CARM1: variants seen among roughly 807,000 people sequenced by gnomAD.
CARM1 encodes histone-arginine methyltransferase CARM1.
A neutral mutation model predicts 72.7 loss-of-function variants in CARM1; 14 were observed. The observed-to-expected ratio is 0.19, with a 90% CI of 0.13 to 0.30. The LOEUF is 0.30. Among genes scored for constraint, CARM1 ranks in the 10% least tolerant of loss-of-function variants. The pLI, the probability that CARM1 is intolerant of heterozygous loss-of-function variation, is 1.00. For synonymous variants in CARM1, 333 were observed against 345.5 expected, an observed-to-expected ratio of 0.96 and a Z score of 0.40; for missense variants, 432 against 833.7, an observed-to-expected ratio of 0.52 and a Z score of 5.93.
At chr19:10,904,051 G>C (rs376192342) in intron 1 of CARM1, among the ~76,000 whole-genome samples, 1 of 152,110 alleles carries the variant, frequency 6.6e-6, no homozygotes, top group African/African-American at 2.4e-5. Context: ...TCCAGCCCAG[G>C]GTCCCACTTT....
In CARM1 at chr19:10,920,051, T is replaced by C; in HGVS notation, c.1196+85T>C. On this transcript the variant is annotated intron_variant, in intron 10 of 15. Transcript: ENST00000327064. The surrounding 1 kb of genome is among the most constrained non-coding windows in gnomAD (Gnocchi z 5.3). Reference sequence around the variant, plus strand: ...GCAACCTGGCTGGGGGGGTGGAACATGGCTCCAGGTTCCACCATCCCTTCC... The same window carrying C: ...GCAACCTGGCTGGGGGGGTGGAACACGGCTCCAGGTTCCACCATCCCTTCC... The C allele has an allele frequency of 9.7e-7, 1 of 1,028,376 alleles. No individual in the cohort carries two copies. The highest frequency in any genetic ancestry group is 1.5e-6 in the Non-Finnish European group (1 of 665,016). 63.7% of individuals were successfully genotyped at this position (1,028,376 alleles called of 1,614,324 possible). A position where few individuals can be genotyped will look rare whatever the true frequency, so the allele number is the denominator to read the frequency against.
intron 1 of CARM1, among the ~76,000 whole-genome samples, chr19:10,895,677 G>T (rs1261223432): frequency 6.6e-6 from 1 of 152,228 alleles, no homozygotes; most frequent in African/African-American, 2.4e-5. Context: ...CCTGTGCTTA[G>T]GGAAGAGGCT....
chr19:10,917,521 G>A (rs1379207348), intron 8 of CARM1, among the ~76,000 whole-genome samples: 1 of 151,954 alleles, frequency 6.6e-6, no homozygotes, highest in Non-Finnish European at 1.5e-5. Context: ...TTTTCCCCCT[G>A]CTCTTGATGT....
At chr19:10,872,105 G>A (rs574649852) in intron 1 of CARM1, among the ~76,000 whole-genome samples, 183 bp downstream of exon 1, 80 of 152,192 alleles carry the variant, frequency 5.3e-4, no homozygotes, top group Non-Finnish European at 1.0e-3. Context: ...GAGAAAAGAG[G>A]GCGTGCGTGG....
intron 1 of CARM1, among the ~76,000 whole-genome samples, chr19:10,891,297 A>G (rs1212587014): frequency 6.6e-6 from 1 of 152,058 alleles, no homozygotes; most frequent in Non-Finnish European, 1.5e-5. Context: ...TCTAGACACT[A>G]AAGCTGAGGT....
chr19:10,899,716 T>C (rs977339691), intron 1 of CARM1, among the ~76,000 whole-genome samples: 2 of 151,506 alleles, frequency 1.3e-5, no homozygotes, highest in Non-Finnish European at 2.9e-5. Flanking sequence ...GTTTTCTTTT[T>C]CTTTTTCTTT....
chr19:10,907,473 G>A (rs2074114062), intron 2 of CARM1, among the ~76,000 whole-genome samples: 1 of 152,060 alleles, frequency 6.6e-6, no homozygotes, highest in South Asian at 2.1e-4. Context: ...GCAGGGTCTT[G>A]TTATGTTGCT....
intron 1 of CARM1, among the ~76,000 whole-genome samples, chr19:10,878,831 G>A (rs1315230667): frequency 6.9e-6 from 1 of 144,472 alleles, no homozygotes; most frequent in East Asian, 2.1e-4. Context: ...TTGAGATGGT[G>A]TCTCGCTCTG....
At chr19:10,919,812 C>T (rs1278440217) in intron 9 of CARM1, 65 bp from the exon 10 acceptor site, 1 of 1,505,356 alleles carries the variant, frequency 6.6e-7, no homozygotes, top group African/African-American at 1.4e-5. Flanking sequence ...GCACCTGGCA[C>T]CCCCTCTTCT....
At chr19:10,918,146 A>G (rs1004735729) in intron 8 of CARM1, among the ~76,000 whole-genome samples, 1 of 152,196 alleles carries the variant, frequency 6.6e-6, no homozygotes, top group Non-Finnish European at 1.5e-5. Context: ...GTGCTGCTTT[A>G]TGGTACAGCC....
At chr19:10,882,534 CTTTT>C (rs869046901) in intron 1 of CARM1, among the ~76,000 whole-genome samples, 7 of 85,940 alleles carry the variant, frequency 8.1e-5, no homozygotes, top group South Asian at 4.9e-4. Context: ...TGCACTCTGT[CTTTT>C]TTTTTTTTTT....
At chr19:10,873,861 G>A (rs1468261256) in intron 1 of CARM1, among the ~76,000 whole-genome samples, 6 of 151,662 alleles carry the variant, frequency 4.0e-5, no homozygotes, top group Non-Finnish European at 5.9e-5. Context: ...GGATGGTCTT[G>A]ATCTCCTGAC....
rs768706879 is a variant in CARM1 at position 10,908,177 on chromosome 19, TC to T, written c.453+38del. ...TGTACTCCCCCTCAGCCAGGCCGCCTCCCCCCGGCAGCCCCCCTGCCACTCA... is the reference window on the plus strand; with the variant it reads ...TGTACTCCCCCTCAGCCAGGCCGCCTCCCCCGGCAGCCCCCCTGCCACTCA... On this transcript the variant is annotated intron_variant, in intron 3 of 15. Transcript: ENST00000327064. 1.1e-4 allele frequency: 163 copies of T among 1,437,610 alleles called. 1 individual carries two copies. The East Asian group carries it at 2.4e-3, about 21-fold the overall frequency. The allele number at this position is 1,437,610 out of a possible 1,614,324, so 89.1% of individuals were successfully genotyped here.
intron 4 of CARM1, among the ~76,000 whole-genome samples, chr19:10,911,658 C>T (rs1466671199): frequency 1.3e-5 from 2 of 152,222 alleles, no homozygotes; most frequent in Non-Finnish European, 2.9e-5. Flanking sequence ...AAATCCAGAA[C>T]AGGTGGTGTG....
rs753004211 is a variant in CARM1 at position 10,920,616 on chromosome 19, A to G, written c.1334+43A>G. The G allele has an allele frequency of 1.9e-6, 3 of 1,613,878 alleles. No homozygotes were observed. The highest frequency in any genetic ancestry group is 1.1e-5 in the South Asian group (1 of 91,076). On this transcript the variant is annotated intron_variant, in intron 11 of 15. Coordinates refer to ENST00000327064, the MANE Select transcript of CARM1 (RefSeq NM_199141.2). This position sits in a 1 kb window ranked among gnomAD's most constrained non-coding sequence, Gnocchi z 5.3. The stretch of plus-strand genomic sequence containing the variant: ...GGCTGGTGGTGGTGGGCAGGGGTCC[A>G]TCTGCCCAGCAGCTCATGCCACGGC...
At chr19:10,914,201 C>T in intron 6 of CARM1, 147 bp downstream of exon 6, 1 of 807,596 alleles carries the variant, frequency 1.2e-6, no homozygotes, top group South Asian at 1.8e-5. Flanking sequence ...CCCACCCCAA[C>T]CCCACTCCAG....
rs118055234 is a variant in CARM1 at position 10,888,669 on chromosome 19, T to C, written c.221-16282T>C. On this transcript the variant is annotated intron_variant, in intron 1 of 15. Transcript: ENST00000327064. Reference sequence around the variant, plus strand: ...CCTACCCTCCACAACCCCATGCTTTTCATAATTATCCACTAAGCTCCCGCG... The same window carrying C: ...CCTACCCTCCACAACCCCATGCTTTCCATAATTATCCACTAAGCTCCCGCG... 7.9e-4 allele frequency among the ~76,000 whole-genome samples: 121 copies of C among 152,280 alleles called. 1 individual carries two copies. The East Asian group carries it at 0.02, about 25-fold the overall frequency.
rs547770929 is a variant in CARM1, at chr19:10,883,497, C to T, written c.220+11575C>T. Among the ~76,000 whole-genome samples the T allele has an allele frequency of 2.9e-3, 437 of 152,294 alleles. 1 individual carries two copies. Among genetic ancestry groups the T allele is most frequent in the African/African-American group, 9.5e-3 (395 of 41,564 alleles). ...TTTCAGTCTCAAGGATCGCGCAGGG[C>T]GGACCCTCAGCAGCCTCCAGATCTG... On this transcript the variant is annotated intron_variant, in intron 1 of 15. Coordinates refer to ENST00000327064, the MANE Select transcript of CARM1 (RefSeq NM_199141.2).
chr19:10,903,744 T>A (rs2074083104), intron 1 of CARM1, among the ~76,000 whole-genome samples: 1 of 151,902 alleles, frequency 6.6e-6, no homozygotes, highest in African/African-American at 2.4e-5. Flanking sequence ...GTCCTTTATT[T>A]ATTTTTTTGA....
Sources: gnomAD v4.1 joint callset for allele counts (sites outside exome capture counted in the v4.1 genomes callset) on GRCh38, gnomAD v4.1.1 for gene constraint, Gnocchi (gnomAD v3.1) non-coding constraint, MANE v1.5 for transcripts, NCBI Gene and HGNC (gene_info 2026-07-23, HGNC 2026-07-21) for gene names.